DEPDC5: variants seen among roughly 807,000 people sequenced by gnomAD.
DEPDC5 encodes the protein GATOR1 complex protein DEPDC5.
A neutral mutation model predicts 217.3 loss-of-function variants in DEPDC5; 73 were observed. The ratio of observed to expected loss-of-function variants is 0.34; its 90% CI spans 0.28 to 0.41. DEPDC5 has a LOEUF of 0.41. Among genes scored for constraint, DEPDC5 ranks in the 10% least tolerant of loss-of-function variants. The pLI is 1.00. For synonymous variants in DEPDC5, 733 were observed against 756.7 expected (o/e 0.97, Z 0.51); for missense variants, 1,675 against 2,070.1 (o/e 0.81, Z 3.70).
rs543527457 is a variant in DEPDC5 at position 31,774,233 on chromosome 22, ACT to A, written c.414-3863_414-3862del. ...TTTTTTTTTTTTTGAGACGAGTCTC[ACT>A]CTGTCACCTAGGCTGCAGTGCAGTG... On this transcript the variant is annotated intron_variant, in intron 7 of 42. Coordinates refer to ENST00000651528, the MANE Select transcript of DEPDC5 (RefSeq NM_001242896.3). Among the ~76,000 whole-genome samples the A allele has an allele frequency of 3.7e-3, 525 of 143,554 alleles. 2 individuals are homozygous for A. The highest frequency in any genetic ancestry group is 0.011 in the Middle Eastern group (3 of 278). The allele number at this position is 143,554 out of a possible 152,430, so 94.2% of individuals were successfully genotyped here. A position where few individuals can be genotyped will look rare whatever the true frequency, so the allele number is the denominator to read the frequency against.
intron 38 of DEPDC5, 151 bp from the exon 39 acceptor site, chr22:31,893,431 A>G (rs1017653987): frequency 8.9e-6 from 6 of 677,880 alleles, no homozygotes; most frequent in South Asian, 9.1e-5. Context: ...AAGGTTTCCA[A>G]TATCTAGATG....
At chr22:31,808,648 C>T (rs5994430) in intron 18 of DEPDC5, among the ~76,000 whole-genome samples, 29,739 of 151,700 alleles carry the variant, frequency 0.2, 3,546 homozygotes, top group African/African-American at 0.35. Context: ...GTTGGCCAGG[C>T]TGGTCTTGAA....
At chr22:31,781,348 T>A (rs1002885526) in intron 8 of DEPDC5, among the ~76,000 whole-genome samples, 6 of 152,186 alleles carry the variant, frequency 3.9e-5, no homozygotes, top group African/African-American at 1.2e-4. Flanking sequence ...GGGTCCTTCC[T>A]GGGCTCCAGC....
At chr22:31,801,870 C>A (rs922030609) in intron 14 of DEPDC5, among the ~76,000 whole-genome samples, 1 of 152,006 alleles carries the variant, frequency 6.6e-6, no homozygotes, top group South Asian at 2.1e-4. Context: ...AGTAAATCTT[C>A]TTGTCATATT....
At chr22:31,862,432 G>A (rs921768721) in intron 33 of DEPDC5, among the ~76,000 whole-genome samples, 2 of 151,716 alleles carry the variant, frequency 1.3e-5, no homozygotes, top group African/African-American at 4.9e-5. Context: ...GGGCATGGTG[G>A]CACATGCTGG....
chr22:31,865,115 C>T (rs139370148), intron 33 of DEPDC5, among the ~76,000 whole-genome samples: 2,729 of 152,228 alleles, frequency 0.018, 69 homozygotes, highest in African/African-American at 0.057. Flanking sequence ...CGTAAGCCAC[C>T]GCACCCAGCC....
intron 33 of DEPDC5, among the ~76,000 whole-genome samples, 175 bp downstream of exon 33, chr22:31,861,608 G>C (rs762288622): frequency 3.3e-5 from 5 of 152,156 alleles, no homozygotes; most frequent in African/African-American, 4.8e-5. Flanking sequence ...GGCGGCGAAG[G>C]GGGGGATGGA....
chr22:31,784,960 C>A, intron 10 of DEPDC5, 85 bp downstream of exon 10: 1 of 1,272,050 alleles, frequency 7.9e-7, no homozygotes, highest in Admixed American at 2.1e-5. Context: ...ATTAAATTGC[C>A]CTAAATTGAG....
chr22:31,813,290 A>G (rs913159933), intron 20 of DEPDC5, among the ~76,000 whole-genome samples: 4 of 152,140 alleles, frequency 2.6e-5, no homozygotes, highest in Non-Finnish European at 5.9e-5. Context: ...AAATGCTCTC[A>G]TAGTTCAAGA....
intron 31 of DEPDC5, among the ~76,000 whole-genome samples, chr22:31,855,886 A>G (rs1177354988): frequency 2.6e-5 from 4 of 152,156 alleles, no homozygotes; most frequent in East Asian, 3.8e-4. Context: ...CATCCCTGGT[A>G]TGTGATTACT....
chr22:31,895,156 A>G (rs1000772422), intron 39 of DEPDC5, among the ~76,000 whole-genome samples: 7 of 151,798 alleles, frequency 4.6e-5, no homozygotes, highest in Non-Finnish European at 1.0e-4. Flanking sequence ...AAAAAAAAAA[A>G]AAAAAAAGGA....
rs373036363 is a variant in DEPDC5, at chr22:31,873,329, C to G, written c.3560C>G (p.Pro1187Arg). 9.9e-6 allele frequency: 16 copies of G among 1,613,698 alleles called. No homozygotes were observed. The South Asian group carries it at 1.1e-4, about 11-fold the overall frequency. The stretch of plus-strand genomic sequence containing the variant: ...GAGATCCTGGAAGCCATGAAGCACC[C>G]CTCGTAAGTGGCTCACCACAGTGTA... ...LTEILEAMKHPSTGVQLLSEQ... is the reference protein window; with the variant it reads ...LTEILEAMKHRSTGVQLLSEQ... Residue 1187 changes from proline (P) to arginine (R), a missense_variant, in exon 35 of 43, where the codon CCC (proline) becomes CGC (arginine). Physicochemically the swap from Pro to Arg is moderately radical, Grantham distance 103. Coordinates refer to ENST00000651528, the MANE Select transcript of DEPDC5 (RefSeq NM_001242896.3).
intron 2 of DEPDC5, among the ~76,000 whole-genome samples, chr22:31,755,704 C>G (rs994788449): frequency 9.9e-5 from 15 of 152,146 alleles, no homozygotes; most frequent in South Asian, 2.1e-4. Context: ...GCCACTGTAC[C>G]CAGCTCTCCT....
intron 24 of DEPDC5, chr22:31,826,327 G>A (rs1177420446): frequency 3.8e-6 from 1 of 261,726 alleles, no homozygotes; most frequent in Non-Finnish European, 7.6e-6. Context: ...TATTAAATGT[G>A]ATAATCCACA....
chr22:31,808,791 A>G (rs1327409438), intron 18 of DEPDC5, among the ~76,000 whole-genome samples: 3 of 151,958 alleles, frequency 2.0e-5, no homozygotes, highest in Non-Finnish European at 4.4e-5. Context: ...GGTACTCCTG[A>G]CAACCTCAGG....
chr22:31,795,727 T>C (rs764168161), intron 12 of DEPDC5, among the ~76,000 whole-genome samples: 1 of 151,260 alleles, frequency 6.6e-6, no homozygotes, highest in Non-Finnish European at 1.5e-5. Flanking sequence ...TCATTTTCTT[T>C]CATTTCCTTT....
At chr22:31,883,717 C>A (rs552881851) in intron 38 of DEPDC5, among the ~76,000 whole-genome samples, 1 of 152,332 alleles carries the variant, frequency 6.6e-6, no homozygotes, top group African/African-American at 2.4e-5. Flanking sequence ...TCAGGACTGC[C>A]TGGCCCTGAA....
At position 31,761,077 on chromosome 22, in the gene DEPDC5, G is replaced by C. The variant is rs1229475042; in HGVS notation, c.193+375G>C. Among the ~76,000 whole-genome samples the C allele has an allele frequency of 3.9e-5, 6 of 151,936 alleles. No individual in the cohort carries two copies. The East Asian group carries it at 9.7e-4, about 24-fold the overall frequency. ...GCTCACTGCAAGCTCCGCCTCCTGG[G>C]TTCACACCATTCTCCTCCCTCAGCC... is the stretch of plus-strand genomic sequence containing the variant. On this transcript the variant is annotated intron_variant, in intron 4 of 42. Transcript: ENST00000651528.
At chr22:31,861,034 A>C (rs950446951) in intron 32 of DEPDC5, among the ~76,000 whole-genome samples, 11 of 152,084 alleles carry the variant, frequency 7.2e-5, no homozygotes, top group African/African-American at 2.7e-4. Flanking sequence ...CACTCTGATG[A>C]GACCTGAGAG....
Sources: allele counts gnomAD v4.1 joint callset (sites outside exome capture counted in the v4.1 genomes callset), GRCh38; gene constraint gnomAD v4.1.1; transcripts MANE v1.5; gene names NCBI Gene and HGNC (gene_info 2026-07-23, HGNC 2026-07-21).